Variants in EHBP1 observed in about 807,000 individuals in gnomAD.
The protein encoded by EHBP1 is EH domain binding protein 1, also known as EH domain-binding protein 1.
In EHBP1, 55 loss-of-function variants were observed where a neutral mutation model predicts 144.0. That is an observed-to-expected ratio of 0.38 (90% CI 0.31 to 0.48). EHBP1 has a LOEUF of 0.48. Among genes scored for constraint, EHBP1 ranks in the 20% least tolerant of loss-of-function variants. EHBP1 has a pLI of 0.98. For synonymous variants in EHBP1, 469 were observed against 472.7 expected, an observed-to-expected ratio of 0.99 and a Z score of 0.10; for missense variants, 1,200 against 1,364.2, an observed-to-expected ratio of 0.88 and a Z score of 1.90.
intron 5 of EHBP1, chr2:62,772,202 G>T (rs2041721227): frequency 7.1e-6 from 1 of 141,168 alleles, no homozygotes; most frequent in Admixed American, 7.0e-5. Flanking sequence ...GGGAGGGAGG[G>T]AGGAAGAAAG....
At chr2:62,962,090 C>G (rs1415614953) in intron 14 of EHBP1, among the ~76,000 whole-genome samples, 3 of 152,104 alleles carry the variant, frequency 2.0e-5, no homozygotes, top group African/African-American at 7.2e-5. Context: ...TTTGGGAGGC[C>G]AAGGTGAGCA....
intron 12 of EHBP1, among the ~76,000 whole-genome samples, chr2:62,945,862 A>ATCTT (rs1558958405): frequency 6.6e-6 from 1 of 152,242 alleles, no homozygotes; most frequent in Non-Finnish European, 1.5e-5. Context: ...CAAAAAAAAG[A>ATCTT]TAATCTTTAA....
chr2:62,785,360 C>T (rs1391771666), intron 5 of EHBP1, among the ~76,000 whole-genome samples: 1 of 152,142 alleles, frequency 6.6e-6, no homozygotes, highest in African/African-American at 2.4e-5. Flanking sequence ...TAACAGATGT[C>T]ATGGGCGTGA....
intron 10 of EHBP1, among the ~76,000 whole-genome samples, chr2:62,903,005 A>G (rs1353023032): frequency 6.6e-6 from 1 of 152,146 alleles, no homozygotes; most frequent in Non-Finnish European, 1.5e-5. Flanking sequence ...AGTTCTTGCT[A>G]TTATTAGCTC....
intron 1 of EHBP1, among the ~76,000 whole-genome samples, chr2:62,691,012 G>T (rs557907460): frequency 6.6e-6 from 1 of 152,224 alleles, no homozygotes; most frequent in African/African-American, 2.4e-5. Flanking sequence ...GAGCCCTTGC[G>T]TGCCCTCAGG....
At chr2:62,704,284 G>A (rs1016519184), upstream of EHBP1, among the ~76,000 whole-genome samples, 5 of 152,074 alleles carry the variant, frequency 3.3e-5, no homozygotes, top group African/African-American at 1.2e-4. Context: ...TTTCTTTATT[G>A]AAAGTGGAAA....
chr2:62,705,022 G>C (rs2151773069), upstream of EHBP1, among the ~76,000 whole-genome samples: 1 of 152,240 alleles, frequency 6.6e-6, no homozygotes, highest in Middle Eastern at 3.4e-3. Context: ...ATAAGAAATT[G>C]TACTGTACAC....
chr2:62,764,235 C>A, intron 3 of EHBP1, 31 bp from the exon 4 acceptor site: 1 of 1,428,218 alleles, frequency 7.0e-7, no homozygotes, highest in Non-Finnish European at 9.4e-7. Context: ...TCCCATACTT[C>A]ATATTGAAGG....
intron 3 of EHBP1, among the ~76,000 whole-genome samples, chr2:62,762,372 T>G (rs189587775): frequency 1.9e-3 from 286 of 152,326 alleles, no homozygotes; most frequent in Non-Finnish European, 3.1e-3. Flanking sequence ...ATCTGTATTC[T>G]TAAACTTTAA....
chr2:62,961,539 AC>A (rs2058001580), intron 14 of EHBP1, among the ~76,000 whole-genome samples: 1 of 152,012 alleles, frequency 6.6e-6, no homozygotes, highest in African/African-American at 2.4e-5. Context: ...ATTTTTTTCC[AC>A]ATGTGCTTTA....
At position 62,801,294 on chromosome 2, in the gene EHBP1, A is replaced by G. The variant is rs148580327; in HGVS notation, c.313-24793A>G. ...GCTGCTTCTGGAGTATAGCCGTCTG[A>G]TACAGTGCTCCCTTGACATGGCTCC... On this transcript the variant is annotated intron_variant, in intron 5 of 22. Transcript: ENST00000431489. Among the ~76,000 whole-genome samples, 1,365 of 152,316 alleles carry G rather than the reference A, an allele frequency of 9.0e-3. 6 individuals are homozygous for G. Among genetic ancestry groups the G allele is most frequent in the Admixed American group, 0.015 (226 of 15,298 alleles).
At chr2:62,814,998 T>C (rs2045332202) in intron 5 of EHBP1, among the ~76,000 whole-genome samples, 1 of 152,186 alleles carries the variant, frequency 6.6e-6, no homozygotes, top group South Asian at 2.1e-4. Flanking sequence ...AATGCATCCC[T>C]GAAATGGCAC....
Position 62,730,308 on chromosome 2 carries a change from C to G in EHBP1, c.105-17087C>G, listed in dbSNP as rs569382988. ...CTCTGAAATCTCTCCCTCACTCCCCCTCTCCCTCCCACTGAATTTCTGGCA... is the reference window on the plus strand; with the variant it reads ...CTCTGAAATCTCTCCCTCACTCCCCGTCTCCCTCCCACTGAATTTCTGGCA... On this transcript the variant is annotated intron_variant, in intron 2 of 22. Coordinates refer to ENST00000431489, the MANE Select transcript of EHBP1 (RefSeq NM_001142616.3). Among the ~76,000 whole-genome samples, 37 of 152,234 alleles carry G rather than the reference C, an allele frequency of 2.4e-4. 1 individual carries two copies. In the South Asian group the frequency reaches 4.4e-3, roughly 18 times the overall value.
At chr2:62,901,134 G>A (rs2053377766) in intron 10 of EHBP1, among the ~76,000 whole-genome samples, 2 of 152,086 alleles carry the variant, frequency 1.3e-5, no homozygotes, top group Admixed American at 6.5e-5. Flanking sequence ...TAAGTTGGCA[G>A]GTGTCTTTTT....
intron 5 of EHBP1, among the ~76,000 whole-genome samples, chr2:62,790,826 CTATTCAA>C (rs1178624916): frequency 6.6e-6 from 1 of 152,028 alleles, no homozygotes; most frequent in African/African-American, 2.4e-5. Context: ...GAGTACAACC[CTATTCAA>C]TTATTGTCTC....
At chr2:62,862,636 TAATA>T (rs1249559090) in intron 8 of EHBP1, among the ~76,000 whole-genome samples, 1 of 152,020 alleles carries the variant, frequency 6.6e-6, no homozygotes. Context: ...TAAAAGTAAT[TAATA>T]AATGTCAGTC....
At chr2:63,043,392 A>G (rs1387568243) in intron 21 of EHBP1, among the ~76,000 whole-genome samples, 1 of 152,226 alleles carries the variant, frequency 6.6e-6, no homozygotes, top group African/African-American at 2.4e-5. Flanking sequence ...TAAAATAAAA[A>G]TGTAATAGTG....
At chr2:62,709,069 A>G (rs1489840387) in intron 2 of EHBP1, among the ~76,000 whole-genome samples, 1 of 152,228 alleles carries the variant, frequency 6.6e-6, no homozygotes, top group Non-Finnish European at 1.5e-5. Flanking sequence ...GAAAATCACC[A>G]GGACAACAGT....
chr2:62,829,734 A>T (rs2046659895), intron 6 of EHBP1, among the ~76,000 whole-genome samples: 1 of 147,014 alleles, frequency 6.8e-6, no homozygotes, highest in South Asian at 2.1e-4. Flanking sequence ...ATTTATAATT[A>T]TTTATATATT....
Sources: gnomAD v4.1 joint callset for allele counts (sites outside exome capture counted in the v4.1 genomes callset) on GRCh38, gnomAD v4.1.1 for gene constraint, MANE v1.5 for transcripts, NCBI Gene and HGNC (gene_info 2026-07-23, HGNC 2026-07-21) for gene names.